The following CDH13 variants were observed in gnomAD, a reference collection of about 807,000 sequenced individuals.
CDH13 encodes cadherin 13, also known as cadherin-13.
In CDH13, 24 loss-of-function variants were observed where a neutral mutation model predicts 63.8. The ratio of observed to expected loss-of-function variants is 0.38; its 90% confidence interval spans 0.27 to 0.53. CDH13 has a LOEUF of 0.53. Ranked by LOEUF, CDH13 falls within the 20% of genes least tolerant of loss-of-function variation. The pLI, the probability that CDH13 is intolerant of heterozygous loss-of-function variation, is 0.85. For missense variants in CDH13, 1,049 were observed against 903.1 expected, an observed-to-expected ratio of 1.16 and a Z score of -2.07; for synonymous variants, 503 against 355.3, an observed-to-expected ratio of 1.42 and a Z score of -4.67.
chr16:83,022,398 C>G (rs1915425091), intron 2 of CDH13, among the ~76,000 whole-genome samples: 1 of 152,236 alleles, frequency 6.6e-6, no homozygotes, highest in Admixed American at 6.5e-5. Context: ...CTATCTGTGT[C>G]ATGTCCTTGA....
chr16:83,454,263 G>C (rs974920045), intron 6 of CDH13, among the ~76,000 whole-genome samples: 1 of 152,216 alleles, frequency 6.6e-6, no homozygotes, highest in African/African-American at 2.4e-5. Context: ...GGCATAGCTT[G>C]TGGGTGTCTG....
At chr16:82,670,689 G>A (rs138001844) in intron 1 of CDH13, among the ~76,000 whole-genome samples, 24 of 152,282 alleles carry the variant, frequency 1.6e-4, no homozygotes, top group Admixed American at 3.9e-4. Context: ...TGGGGTAGTC[G>A]GGTATGAAAC....
intron 1 of CDH13, among the ~76,000 whole-genome samples, chr16:82,646,702 G>A (rs7203382): frequency 0.18 from 27,680 of 152,128 alleles, 3,010 homozygotes; most frequent in African/African-American, 0.3. Context: ...CCCATCTACA[G>A]ATGAGAAAAC....
At chr16:83,508,095 G>GGAAGGAAGGAAGGAAA (rs1567722232) in intron 7 of CDH13, among the ~76,000 whole-genome samples, 2 of 73,212 alleles carry the variant, frequency 2.7e-5, no homozygotes, top group African/African-American at 1.0e-4. Context: ...AAGGAAGGAA[G>GGAAGGAAGGAAGGAAA]GAAAGAAGGA....
At chr16:82,673,330 C>T (rs998829622) in intron 1 of CDH13, among the ~76,000 whole-genome samples, 1 of 152,172 alleles carries the variant, frequency 6.6e-6, no homozygotes, top group Non-Finnish European at 1.5e-5. Flanking sequence ...CTGAGGTTCA[C>T]ACTCAGTCAA....
At chr16:83,790,787 G>C in intron 13 of CDH13, among the ~76,000 whole-genome samples, 1 of 152,184 alleles carries the variant, frequency 6.6e-6, no homozygotes, top group East Asian at 1.9e-4. Flanking sequence ...GAGGCAAGCC[G>C]GCATTGCCAT....
At chr16:82,935,106 A>G (rs1259101475) in intron 2 of CDH13, among the ~76,000 whole-genome samples, 1 of 152,218 alleles carries the variant, frequency 6.6e-6, no homozygotes, top group Non-Finnish European at 1.5e-5. Flanking sequence ...TATAAAGTAA[A>G]GTGGTTTAAT....
At chr16:83,277,856 T>A (rs1056918547) in intron 5 of CDH13, among the ~76,000 whole-genome samples, 1 of 152,184 alleles carries the variant, frequency 6.6e-6, no homozygotes, top group Non-Finnish European at 1.5e-5. Context: ...TGTAGAAATA[T>A]AAAGGATCCT....
chr16:83,199,964 C>T (rs1007395073), intron 4 of CDH13, among the ~76,000 whole-genome samples: 10 of 152,144 alleles, frequency 6.6e-5, no homozygotes, highest in African/African-American at 1.9e-4. Flanking sequence ...TGCTCGGGAC[C>T]TAGAGAAATG....
At chr16:83,406,539 C>G (rs1464197854) in intron 6 of CDH13, among the ~76,000 whole-genome samples, 1 of 152,108 alleles carries the variant, frequency 6.6e-6, no homozygotes, top group Non-Finnish European at 1.5e-5. Context: ...TCTTGTCTCA[C>G]TGCAACCTCT....
intron 6 of CDH13, among the ~76,000 whole-genome samples, chr16:83,434,126 C>A (rs2072212083): frequency 6.6e-6 from 1 of 152,134 alleles, no homozygotes; most frequent in Non-Finnish European, 1.5e-5. Flanking sequence ...TCGTTAATAG[C>A]CCAGTCTTCT....
chr16:82,753,237 T>C (rs963412413), intron 1 of CDH13, among the ~76,000 whole-genome samples: 6 of 152,334 alleles, frequency 3.9e-5, no homozygotes, highest in South Asian at 2.1e-4. Flanking sequence ...CAGAAGTACA[T>C]GGATGGCATC....
chr16:83,560,909 C>CCCG (rs1555573431), intron 7 of CDH13, among the ~76,000 whole-genome samples: 1 of 151,942 alleles, frequency 6.6e-6, no homozygotes, highest in African/African-American at 2.4e-5. Context: ...GCCCCCCCCC[C>CCCG]GCCCCAGGGG....
At chr16:83,658,993 C>G (rs375730901) in intron 8 of CDH13, among the ~76,000 whole-genome samples, 7,104 of 139,514 alleles carry the variant, frequency 0.051, 249 homozygotes, top group African/African-American at 0.12. Context: ...GTCCTCACCA[C>G]CAGGTCCCAT....
At chr16:82,819,326 C>T (rs1482335161) in intron 1 of CDH13, among the ~76,000 whole-genome samples, 1 of 152,166 alleles carries the variant, frequency 6.6e-6, no homozygotes, top group Non-Finnish European at 1.5e-5. Flanking sequence ...CAGCCACCAG[C>T]CAGGGACAGT....
At chr16:83,143,974 G>T (rs2036641541) in intron 4 of CDH13, among the ~76,000 whole-genome samples, 1 of 152,068 alleles carries the variant, frequency 6.6e-6, no homozygotes, top group African/African-American at 2.4e-5. Flanking sequence ...TTGCTGCTCT[G>T]CTGGTTACCA....
intron 5 of CDH13, among the ~76,000 whole-genome samples, chr16:83,336,632 C>T (rs966044872): frequency 6.6e-6 from 1 of 152,204 alleles, no homozygotes; most frequent in Non-Finnish European, 1.5e-5. Context: ...GAATGTTGAA[C>T]TATATCATCT....
chr16:83,175,874 G>A (rs551183331), intron 4 of CDH13, among the ~76,000 whole-genome samples: 66 of 138,740 alleles, frequency 4.8e-4, no homozygotes, highest in African/African-American at 1.9e-3. Flanking sequence ...TATTGCCCAG[G>A]CTAGAGTGTA....
intron 2 of CDH13, among the ~76,000 whole-genome samples, chr16:83,020,427 C>A (rs1036329982): frequency 6.6e-6 from 1 of 152,142 alleles, no homozygotes; most frequent in Non-Finnish European, 1.5e-5. Context: ...TCCAGGATCC[C>A]CAAAGCCATG....
Sources: gnomAD v4.1 joint callset for allele counts (sites outside exome capture counted in the v4.1 genomes callset) on GRCh38, gnomAD v4.1.1 for gene constraint, MANE v1.5 for transcripts, NCBI Gene and HGNC (gene_info 2026-07-23, HGNC 2026-07-21) for gene names.